FAF1: variants seen among roughly 807,000 people sequenced by gnomAD.
The protein encoded by FAF1 is FAS-associated factor 1.
Under a neutral mutation model 92.5 loss-of-function variants are expected in FAF1, and 25 were observed. The observed-to-expected ratio is 0.27, with a 90% confidence interval of 0.20 to 0.38. The LOEUF is 0.38. Ranked by LOEUF, FAF1 falls within the 10% of genes least tolerant of loss-of-function variation. FAF1 has a pLI of 1.00. For synonymous variants in FAF1, 234 were observed against 273.2 expected (o/e 0.86, Z 1.42); for missense variants, 636 against 793.3 (o/e 0.80, Z 2.38).
intron 1 of FAF1, among the ~76,000 whole-genome samples, chr1:50,929,102 A>AG (rs1402322117): frequency 6.6e-6 from 1 of 150,814 alleles, no homozygotes; most frequent in Non-Finnish European, 1.5e-5. Context: ...AAGAAAAGAA[A>AG]AAAAAACTGG....
chr1:50,483,907 G>C (rs1289364960), intron 17 of FAF1, among the ~76,000 whole-genome samples: 1 of 152,168 alleles, frequency 6.6e-6, no homozygotes, highest in Admixed American at 6.5e-5. Flanking sequence ...TTTGGGTGGG[G>C]AGGGTAGGAT....
chr1:50,623,533 C>T (rs1050327863), intron 8 of FAF1, among the ~76,000 whole-genome samples: 1 of 150,202 alleles, frequency 6.7e-6, no homozygotes, highest in African/African-American at 2.5e-5. Context: ...GAGATCGTGC[C>T]ACTTGCACTC....
At chr1:50,847,849 C>T (rs1209613939) in intron 2 of FAF1, among the ~76,000 whole-genome samples, 5 of 151,860 alleles carry the variant, frequency 3.3e-5, no homozygotes, top group African/African-American at 1.2e-4. Context: ...GCACCCAAGG[C>T]TGTAAGGCTT....
At chr1:50,623,881 T>G (rs1412718147) in intron 8 of FAF1, among the ~76,000 whole-genome samples, 1 of 151,356 alleles carries the variant, frequency 6.6e-6, no homozygotes, top group Non-Finnish European at 1.5e-5. Context: ...AAGGCTGCAG[T>G]GAGTTGTGAT....
chr1:50,528,295 T>G (rs1205849433), intron 15 of FAF1, among the ~76,000 whole-genome samples: 2 of 152,198 alleles, frequency 1.3e-5, no homozygotes, highest in East Asian at 3.9e-4. Context: ...TCCTCTGGGA[T>G]TTTGCATCTT....
intron 1 of FAF1, among the ~76,000 whole-genome samples, chr1:50,904,629 CAA>C (rs1192656027): frequency 6.6e-6 from 1 of 152,086 alleles, no homozygotes; most frequent in Non-Finnish European, 1.5e-5. Flanking sequence ...GTCATCAAAA[CAA>C]AGTTTGCAAA....
At chr1:50,563,008 G>T (rs1172186091) in intron 13 of FAF1, among the ~76,000 whole-genome samples, 2 of 152,124 alleles carry the variant, frequency 1.3e-5, no homozygotes, top group Middle Eastern at 3.2e-3. Context: ...CACTTACATT[G>T]TATTAGGTAT....
At chr1:50,715,870 T>C (rs918874614) in intron 6 of FAF1, among the ~76,000 whole-genome samples, 10 of 152,176 alleles carry the variant, frequency 6.6e-5, no homozygotes, top group Non-Finnish European at 5.9e-5. Flanking sequence ...CCTAATAAAT[T>C]TGAAGCTCTA....
chr1:50,563,329 G>A (rs535433896), intron 13 of FAF1, among the ~76,000 whole-genome samples: 1 of 152,158 alleles, frequency 6.6e-6, no homozygotes, highest in Admixed American at 6.5e-5. Flanking sequence ...TACTCAGAAG[G>A]CTGAGACAGG....
intron 18 of FAF1, among the ~76,000 whole-genome samples, chr1:50,464,035 A>C (rs1646464187): frequency 1.3e-5 from 2 of 152,342 alleles, no homozygotes; most frequent in South Asian, 4.1e-4. Flanking sequence ...CTATACACCC[A>C]GAGGTAGGTC....
intron 12 of FAF1, among the ~76,000 whole-genome samples, chr1:50,574,896 CTCTTTTTTTTTTTTT>C (rs1238225974): frequency 8.1e-6 from 1 of 122,886 alleles, no homozygotes; most frequent in African/African-American, 3.3e-5. Flanking sequence ...GTTGTATTAA[CTCTTTTTTTTTTTTT>C]TTTTTTTTTT....
At chr1:50,895,466 A>C (rs796461031) in intron 1 of FAF1, among the ~76,000 whole-genome samples, 2 of 152,244 alleles carry the variant, frequency 1.3e-5, no homozygotes, top group African/African-American at 4.8e-5. Context: ...ACTAATACCA[A>C]TCCCACTCGA....
intron 1 of FAF1, among the ~76,000 whole-genome samples, chr1:50,935,814 C>T (rs747939288): frequency 1.3e-5 from 2 of 152,164 alleles, no homozygotes; most frequent in South Asian, 2.1e-4. Context: ...ATTATGAACG[C>T]TACTAGTGAT....
At chr1:50,808,222 G>C (rs1002056471) in intron 2 of FAF1, among the ~76,000 whole-genome samples, 2 of 152,240 alleles carry the variant, frequency 1.3e-5, no homozygotes, top group East Asian at 1.9e-4. Flanking sequence ...AAGGGAATTT[G>C]TTACCACTAG....
chr1:50,448,150 G>C (rs1646251049), intron 18 of FAF1, among the ~76,000 whole-genome samples: 1 of 152,142 alleles, frequency 6.6e-6, no homozygotes, highest in Non-Finnish European at 1.5e-5. Context: ...TTATTATAGG[G>C]ATTGAAATAG....
chr1:50,859,023 CCA>C (rs1644412160), intron 1 of FAF1, among the ~76,000 whole-genome samples: 1 of 151,828 alleles, frequency 6.6e-6, no homozygotes, highest in Non-Finnish European at 1.5e-5. Context: ...AAAGCAAAAA[CCA>C]CACAATCATC....
At chr1:50,745,948 CTTG>C (rs1659568474) in intron 4 of FAF1, among the ~76,000 whole-genome samples, 1 of 151,928 alleles carries the variant, frequency 6.6e-6, no homozygotes, top group Non-Finnish European at 1.5e-5. Context: ...GACTTATCAA[CTTG>C]TTGTCAACAA....
chr1:50,708,762 G>T (rs1422985753), intron 6 of FAF1, among the ~76,000 whole-genome samples: 1 of 152,142 alleles, frequency 6.6e-6, no homozygotes, highest in Non-Finnish European at 1.5e-5. Flanking sequence ...AATCATCAGT[G>T]AGAGAAGAGA....
At chr1:50,774,368 T>C (rs374419981) in intron 4 of FAF1, among the ~76,000 whole-genome samples, 1 of 152,162 alleles carries the variant, frequency 6.6e-6, no homozygotes. Flanking sequence ...CCAAACACTA[T>C]ACAGCTAATA....
Sources: allele counts gnomAD v4.1 joint callset (sites outside exome capture counted in the v4.1 genomes callset), GRCh38; gene constraint gnomAD v4.1.1; transcripts MANE v1.5; gene names NCBI Gene and HGNC (gene_info 2026-07-23, HGNC 2026-07-21).